EPHA4: variants seen among roughly 807,000 people sequenced by gnomAD.
EPHA4 encodes EPH receptor A4.
A neutral mutation model predicts 108.3 loss-of-function variants in EPHA4; 19 were observed. The observed-to-expected ratio is 0.18, with a 90% CI of 0.12 to 0.26. EPHA4 has a LOEUF of 0.26. Among genes scored for constraint, EPHA4 ranks in the 10% least tolerant of loss-of-function variants. EPHA4 has a pLI of 1.00. For synonymous variants in EPHA4, 449 were observed against 455.5 expected (o/e 0.99, Z 0.18); for missense variants, 917 against 1,254.0 (o/e 0.73, Z 4.06).
At chr2:221,557,390 A>C (rs1367881626) in intron 3 of EPHA4, among the ~76,000 whole-genome samples, 1 of 149,948 alleles carries the variant, frequency 6.7e-6, no homozygotes, top group Non-Finnish European at 1.5e-5. Flanking sequence ...ATCTAACAAC[A>C]ATAAAAATAA....
At chr2:221,551,886 C>T (rs896462160) in intron 3 of EPHA4, among the ~76,000 whole-genome samples, 2 of 151,656 alleles carry the variant, frequency 1.3e-5, no homozygotes, top group South Asian at 2.1e-4. Context: ...TTTAGTGTAT[C>T]AGTGCTAATT....
chr2:221,545,266 G>C (rs557036310), intron 3 of EPHA4, among the ~76,000 whole-genome samples: 1 of 151,482 alleles, frequency 6.6e-6, no homozygotes, highest in Non-Finnish European at 1.5e-5. Flanking sequence ...TCGGGAGATC[G>C]AGACCTTCCT....
chr2:221,451,760 A>C (rs1212879511), intron 8 of EPHA4, among the ~76,000 whole-genome samples: 2 of 152,204 alleles, frequency 1.3e-5, no homozygotes, highest in African/African-American at 4.8e-5. Context: ...GTGGGTGGTA[A>C]AAATATACAA....
chr2:221,523,888 C>T (rs922271200), intron 3 of EPHA4, among the ~76,000 whole-genome samples: 4 of 152,118 alleles, frequency 2.6e-5, no homozygotes, highest in Non-Finnish European at 5.9e-5. Flanking sequence ...GCCCGGCCCT[C>T]AGTAGAATAT....
At chr2:221,495,125 A>G (rs2106152460) in intron 4 of EPHA4, among the ~76,000 whole-genome samples, 1 of 152,268 alleles carries the variant, frequency 6.6e-6, no homozygotes, top group Non-Finnish European at 1.5e-5. Flanking sequence ...ACAAACAAAC[A>G]ACAGCAAAAT....
chr2:221,522,555 C>T (rs1014004544), intron 3 of EPHA4, among the ~76,000 whole-genome samples: 4 of 152,110 alleles, frequency 2.6e-5, no homozygotes, highest in African/African-American at 4.8e-5. Context: ...TCTCTGAAAC[C>T]GAACTGGCTT....
At chr2:221,550,873 T>C (rs934369069) in intron 3 of EPHA4, among the ~76,000 whole-genome samples, 7 of 151,896 alleles carry the variant, frequency 4.6e-5, no homozygotes, top group African/African-American at 1.7e-4. Context: ...TTAGATCTCA[T>C]AAATACAAAA....
At chr2:221,474,808 T>C (rs182790780) in intron 5 of EPHA4, among the ~76,000 whole-genome samples, 178 of 152,308 alleles carry the variant, frequency 1.2e-3, no homozygotes, top group Non-Finnish European at 1.9e-3. Context: ...CACGATTTAC[T>C]GGAGATCAAA....
At chr2:221,489,866 A>G (rs938591598) in intron 4 of EPHA4, among the ~76,000 whole-genome samples, 4 of 152,144 alleles carry the variant, frequency 2.6e-5, no homozygotes, top group African/African-American at 9.7e-5. Context: ...ACTATGGCTG[A>G]GCACAGTGGC....
Position 221,426,933 on chromosome 2 carries a change from A to G in EPHA4, c.2691-314T>C, listed in dbSNP as rs1242639131. On this transcript the variant is annotated intron_variant, in intron 15 of 17. Transcript: ENST00000281821. ...TGGGGTGAAGACTGGGAGAGCCCTC[A>G]TGGCCGAAACCTGTTCAATCTTTGC... Among the ~76,000 whole-genome samples, 3 of 152,206 alleles carry G rather than the reference A, an allele frequency of 2.0e-5. No individual in the cohort carries two copies. In the East Asian group the frequency reaches 5.8e-4, roughly 29 times the overall value.
At chr2:221,453,650 T>TG (rs1281975162) in intron 8 of EPHA4, among the ~76,000 whole-genome samples, 1 of 152,220 alleles carries the variant, frequency 6.6e-6, no homozygotes, top group African/African-American at 2.4e-5. Flanking sequence ...TTTGTATGTG[T>TG]GTGTATTAAA....
intron 5 of EPHA4, among the ~76,000 whole-genome samples, chr2:221,462,688 G>T (rs980592469): frequency 6.6e-6 from 1 of 152,224 alleles, no homozygotes; most frequent in African/African-American, 2.4e-5. Context: ...TTGACAATTG[G>T]GGTGAAGCAA....
At chr2:221,430,390 G>A (rs1690036583) in intron 14 of EPHA4, among the ~76,000 whole-genome samples, 1 of 152,152 alleles carries the variant, frequency 6.6e-6, no homozygotes, top group South Asian at 2.1e-4. Flanking sequence ...TTCTCAAGTG[G>A]CTAGAGCCCA....
intron 4 of EPHA4, 147 bp from the exon 5 acceptor site, chr2:221,482,837 G>A (rs1397225753): frequency 1.5e-6 from 1 of 672,050 alleles, no homozygotes; most frequent in Non-Finnish European, 2.5e-6. Context: ...CAGCATAAAA[G>A]ATCTTTTAAA....
intron 3 of EPHA4, among the ~76,000 whole-genome samples, chr2:221,541,776 ATATTTTG>A (rs1377333106): frequency 6.6e-6 from 1 of 152,214 alleles, no homozygotes; most frequent in African/African-American, 2.4e-5. Context: ...AATACTCTTT[ATATTTTG>A]TACATTGCAT....
At chr2:221,486,848 T>A (rs1691990079) in intron 4 of EPHA4, among the ~76,000 whole-genome samples, 1 of 151,846 alleles carries the variant, frequency 6.6e-6, no homozygotes, top group African/African-American at 2.4e-5. Flanking sequence ...GTTTGATAAG[T>A]CAATGAATGA....
rs1400538619 is a variant in EPHA4 at position 221,432,160 on chromosome 2, A to AT, written c.2496+1981_2496+1982insA. Among the ~76,000 whole-genome samples the AT allele has an allele frequency of 1.4e-3, 215 of 148,662 alleles. 1 individual carries two copies. Among genetic ancestry groups the AT allele is most frequent in the African/African-American group, 4.3e-3 (173 of 40,218 alleles). ...ATATATATGTGTGTATATATATATA[A>AT]AATACATATATATAAACTGCCAAAA... On this transcript the variant is annotated intron_variant, in intron 14 of 17. Coordinates refer to ENST00000281821, the MANE Select transcript of EPHA4 (RefSeq NM_004438.5).
At chr2:221,500,426 G>A (rs535009085) in intron 4 of EPHA4, among the ~76,000 whole-genome samples, 1 of 152,326 alleles carries the variant, frequency 6.6e-6, no homozygotes, top group South Asian at 2.1e-4. Context: ...TATAAAGTGT[G>A]AGAAAATATT....
chr2:221,505,894 C>T (rs1692616366), intron 3 of EPHA4, among the ~76,000 whole-genome samples: 1 of 152,162 alleles, frequency 6.6e-6, no homozygotes, highest in Non-Finnish European at 1.5e-5. Context: ...TCTCAACCAG[C>T]TAGGTAATTT....
Sources: allele counts gnomAD v4.1 joint callset (sites outside exome capture counted in the v4.1 genomes callset), GRCh38; gene constraint gnomAD v4.1.1; transcripts MANE v1.5; gene names NCBI Gene and HGNC (gene_info 2026-07-23, HGNC 2026-07-21).